LOXL3: variants seen among roughly 807,000 people sequenced by gnomAD.
LOXL3 encodes lysyl oxidase homolog 3.
In LOXL3, 60 loss-of-function variants were observed where a neutral mutation model predicts 91.8. The ratio of observed to expected loss-of-function variants is 0.65; its 90% CI spans 0.53 to 0.81. The LOEUF (loss-of-function observed/expected upper bound fraction) is 0.81. LOXL3 is among the 30% of genes least tolerant of loss of function. The pLI, the probability that LOXL3 is intolerant of heterozygous loss-of-function variation, is 0.00. For missense variants in LOXL3, 874 were observed against 1,000.4 expected, an observed-to-expected ratio of 0.87 and a Z score of 1.70; for synonymous variants, 355 against 387.6, an observed-to-expected ratio of 0.92 and a Z score of 0.99.
Position 74,536,337 on chromosome 2 carries a change from G to A in LOXL3, c.1047C>T (p.Gly349=), listed in dbSNP as rs1437732137. The change falls in exon 6 of 14, where the codon GGC becomes GGT. Residue 349 remains glycine, a synonymous_variant. Coordinates refer to ENST00000264094, the MANE Select transcript of LOXL3 (RefSeq NM_032603.5). The surrounding 1 kb of genome is among the most constrained non-coding windows in gnomAD (Gnocchi z 4.5). ...HAASVVCREL[G]FGSAREALSG... The stretch of plus-strand genomic sequence containing the variant: ...TCAGAGCTTCTCGAGCACTCCCGAA[G>A]CCCAGCTCCCGACACACCACGCTGG... 1 of 1,613,994 alleles carries A rather than the reference G, an allele frequency of 6.2e-7. No homozygotes were observed.
Position 74,549,328 on chromosome 2 carries a change from C to T in LOXL3, c.692+41G>A. 1 of 1,525,030 alleles carries T rather than the reference C, an allele frequency of 6.6e-7. No individual in the cohort carries two copies. The highest frequency in any genetic ancestry group is 8.8e-7 in the Non-Finnish European group (1 of 1,131,484). The allele number at this position is 1,525,030 out of a possible 1,614,324, so 94.5% of individuals were successfully genotyped here. A position where few individuals can be genotyped will look rare whatever the true frequency, so the allele number is the denominator to read the frequency against. On this transcript the variant is annotated intron_variant, in intron 4 of 13. Coordinates refer to ENST00000264094, the MANE Select transcript of LOXL3 (RefSeq NM_032603.5). The surrounding 1 kb of genome is among the most constrained non-coding windows in gnomAD (Gnocchi z 5.3). ...CCAAGGCTATTCATCAGGGAGCACC[C>T]CAATCCCGGCCTGCTCCGCCCGGCG...
chr2:74,544,579 T>A (rs1274128415), intron 4 of LOXL3, among the ~76,000 whole-genome samples: 3 of 152,366 alleles, frequency 2.0e-5, no homozygotes, highest in African/African-American at 7.2e-5. Context: ...TTTCATTACC[T>A]GTAAAAGAGT....
upstream of LOXL3, chr2:74,555,470 A>G: frequency 3.1e-6 from 5 of 1,608,348 alleles, no homozygotes; most frequent in Non-Finnish European, 4.2e-6. This position sits in a 1 kb window ranked among gnomAD's most constrained non-coding sequence, Gnocchi z 6.1. Context: ...AGCTGCGGCG[A>G]TGCGGGGTGG....
intron 4 of LOXL3, among the ~76,000 whole-genome samples, chr2:74,538,988 G>T (rs902631104): frequency 2.6e-5 from 4 of 152,172 alleles, no homozygotes; most frequent in Non-Finnish European, 5.9e-5. Context: ...TCTAAGAGCT[G>T]CTGCTGCTCC....
At position 74,549,263 on chromosome 2, in the gene LOXL3, C is replaced by A. The variant is rs1558628845; in HGVS notation, c.692+106G>T. ...TCCATATTTTCCCGCGCGTCCCGACCCCCGGGTCCTCCCGTGCCCCGGACC... is the reference window on the plus strand; with the variant it reads ...TCCATATTTTCCCGCGCGTCCCGACACCCGGGTCCTCCCGTGCCCCGGACC... On this transcript the variant is annotated intron_variant, in intron 4 of 13. Transcript: ENST00000264094. The surrounding 1 kb of genome is among the most constrained non-coding windows in gnomAD (Gnocchi z 5.3). 6 of 1,296,964 alleles carry A rather than the reference C, an allele frequency of 4.6e-6. No individual in the cohort carries two copies. Among genetic ancestry groups the A allele is most frequent in the South Asian group, 1.7e-5 (1 of 58,812 alleles). The allele number at this position is 1,296,964 out of a possible 1,614,324, so 80.3% of individuals were successfully genotyped here.
rs1460445440 is a variant in LOXL3 at position 74,532,958 on chromosome 2, A to G, written c.*648T>C. On this transcript the variant is annotated 3_prime_UTR_variant, in exon 14 of 14. Coordinates refer to ENST00000264094, the MANE Select transcript of LOXL3 (RefSeq NM_032603.5). Reference sequence around the variant, plus strand: ...GGCGGGGACGAGAAACACTGACCTTATATGTGACCCCTGAGGTCACAGAAT... The same window carrying G: ...GGCGGGGACGAGAAACACTGACCTTGTATGTGACCCCTGAGGTCACAGAAT... The G allele has an allele frequency of 1.2e-6, 2 of 1,613,970 alleles. No individual in the cohort carries two copies. The highest frequency in any genetic ancestry group is 1.7e-6 in the Non-Finnish European group (2 of 1,179,988).
At chr2:74,553,354 C>T (rs987342080) in intron 1 of LOXL3, among the ~76,000 whole-genome samples, 1 of 152,222 alleles carries the variant, frequency 6.6e-6, no homozygotes, top group African/African-American at 2.4e-5. Flanking sequence ...CTCCCCAACA[C>T]GCAGGCTCTC....
In LOXL3 at chr2:74,536,572, G is replaced by A. The variant is rs535677382; in HGVS notation, c.913-101C>T. On this transcript the variant is annotated intron_variant, in intron 5 of 13. Coordinates refer to ENST00000264094, the MANE Select transcript of LOXL3 (RefSeq NM_032603.5). The surrounding 1 kb of genome is among the most constrained non-coding windows in gnomAD (Gnocchi z 4.5). ...GTGAGACTTTGGTGGAAGGGAGTGG[G>A]TGGTATCAGGTCTGTGGCCCACCCC... The A allele has an allele frequency of 2.6e-5, 37 of 1,445,482 alleles. 1 individual carries two copies. In the African/African-American group the frequency reaches 4.9e-4, roughly 19 times the overall value. The allele number at this position is 1,445,482 out of a possible 1,614,324, so 89.5% of individuals were successfully genotyped here. A position where few individuals can be genotyped will look rare whatever the true frequency, so the allele number is the denominator to read the frequency against.
upstream of LOXL3, chr2:74,555,062 C>T: frequency 6.7e-7 from 1 of 1,486,400 alleles, no homozygotes; most frequent in Non-Finnish European, 9.0e-7. The surrounding 1 kb of genome is among the most constrained non-coding windows in gnomAD (Gnocchi z 6.1). Flanking sequence ...CCCCAGATCC[C>T]AAATCGACTT....
At position 74,535,400 on chromosome 2, in the gene LOXL3, G is replaced by A. The variant is rs555821491; in HGVS notation, c.1471C>T (p.Arg491Cys). ...AGGGACAGCTCAGTCCCTGTGCAGC[G>A]CACTCCACTCATCACCACCTCTGTT... ...NITEVVMSGVRCTGTELSLDQ... is the reference protein window; with the variant it reads ...NITEVVMSGVCCTGTELSLDQ... Residue 491 changes from arginine (R) to cysteine (C), a missense_variant, in exon 9 of 14, where the codon CGC (arginine) becomes TGC (cysteine). Coordinates refer to ENST00000264094, the MANE Select transcript of LOXL3 (RefSeq NM_032603.5). This position sits in a 1 kb window ranked among gnomAD's most constrained non-coding sequence, Gnocchi z 4.2. 8.7e-6 allele frequency: 14 copies of A among 1,614,024 alleles called. No homozygotes were observed. The highest frequency in any genetic ancestry group is 1.6e-4 in the Middle Eastern group (1 of 6,062).
rs200911515 is a variant in LOXL3 at position 74,534,493 on chromosome 2, G to A, written c.1823+38C>T. 6.0e-5 allele frequency: 97 copies of A among 1,613,466 alleles called. 1 individual carries two copies. The highest frequency in any genetic ancestry group is 2.7e-4 in the Admixed American group (16 of 59,996). On this transcript the variant is annotated intron_variant, in intron 10 of 13. Coordinates refer to ENST00000264094, the MANE Select transcript of LOXL3 (RefSeq NM_032603.5). Reference sequence around the variant, plus strand: ...CCCCAGAAGGTTTGCCCCATCCCCCGTGGTCTTGCCCTTCTACTTGACTCC... The same window carrying A: ...CCCCAGAAGGTTTGCCCCATCCCCCATGGTCTTGCCCTTCTACTTGACTCC...
chr2:74,555,011 C>T (rs13008519), upstream of LOXL3: 7 of 1,366,144 alleles, frequency 5.1e-6, no homozygotes, highest in African/African-American at 7.3e-5. This position sits in a 1 kb window ranked among gnomAD's most constrained non-coding sequence, Gnocchi z 6.1. Context: ...GACGGAGTGG[C>T]ATCGTCCTTG....
In LOXL3 at chr2:74,548,286, A is replaced by C. The variant is rs1261661481; in HGVS notation, c.692+1083T>G. Among the ~76,000 whole-genome samples, 3 of 152,238 alleles carry C rather than the reference A, an allele frequency of 2.0e-5. No individual in the cohort carries two copies. The East Asian group carries it at 5.8e-4, about 29-fold the overall frequency. On this transcript the variant is annotated intron_variant, in intron 4 of 13. Coordinates refer to ENST00000264094, the MANE Select transcript of LOXL3 (RefSeq NM_032603.5). ...TGGCTTCTAAATTATGTATCAAAAC[A>C]AATGTAATAGGTAAACGTCACCTAT...
intron 4 of LOXL3, among the ~76,000 whole-genome samples, chr2:74,547,930 A>C (rs1676703513): frequency 6.6e-6 from 1 of 152,252 alleles, no homozygotes; most frequent in Admixed American, 6.5e-5. Context: ...AACTAACAGA[A>C]TCTCCCATGA....
intron 4 of LOXL3, among the ~76,000 whole-genome samples, chr2:74,542,106 A>T (rs1261934938): frequency 1.3e-5 from 2 of 152,210 alleles, no homozygotes; most frequent in Non-Finnish European, 2.9e-5. Context: ...CAGCCTGGGC[A>T]ACACAGTGAG....
chr2:74,555,482 G>A, upstream of LOXL3: 1 of 1,608,768 alleles, frequency 6.2e-7, no homozygotes, highest in Non-Finnish European at 8.5e-7. This position sits in a 1 kb window ranked among gnomAD's most constrained non-coding sequence, Gnocchi z 6.1. Context: ...GCGGGGTGGG[G>A]GCAGTTACAG....
At position 74,552,612 on chromosome 2, in the gene LOXL3, T is replaced by C. The variant is rs1251364945; in HGVS notation, c.23A>G (p.Gln8Arg). 4 of 1,574,724 alleles carry C rather than the reference T, an allele frequency of 2.5e-6. No homozygotes were observed. The highest frequency in any genetic ancestry group is 3.5e-6 in the Non-Finnish European group (4 of 1,154,336). The change falls in exon 2 of 14, where the codon CAG (glutamine) becomes CGG (arginine). Residue 8 changes from glutamine to arginine, a missense_variant. By Grantham distance (43) the Gln-to-Arg change is conservative (BLOSUM62 1). Coordinates refer to ENST00000264094, the MANE Select transcript of LOXL3 (RefSeq NM_032603.5). ...CAGCAGCAGCCCCCAGGGGCTCCAC[T>C]GCCAGACACTGACAGGTCGCATGGC... MRPVSVW[Q>R]WSPWGLLLCL...
At position 74,553,117 on chromosome 2, in the gene LOXL3, G is replaced by A. The variant is rs150434045; in HGVS notation, c.-12-471C>T. ...CCAAGCACACCGCGGGTGAGAAGGA[G>A]AGGGATTGACAAGAGCCAAGGGGCG... On this transcript the variant is annotated intron_variant, in intron 1 of 13. Transcript: ENST00000264094. 513 of 157,012 alleles carry A rather than the reference G, an allele frequency of 3.3e-3. 2 individuals are homozygous for A. The highest frequency in any genetic ancestry group is 0.012 in the African/African-American group (496 of 41,678). The allele number at this position is 157,012 out of a possible 1,614,324, so 9.7% of individuals were successfully genotyped here.
rs1019251349 is a variant in LOXL3, at chr2:74,549,261, A to T, written c.692+108T>A. The T allele has an allele frequency of 7.8e-7, 1 of 1,284,796 alleles. No individual in the cohort carries two copies. The highest frequency in any genetic ancestry group is 1.5e-5 in the African/African-American group (1 of 65,698). 79.6% of individuals were successfully genotyped at this position (1,284,796 alleles called of 1,614,324 possible). Reference sequence around the variant, plus strand: ...CCTCCATATTTTCCCGCGCGTCCCGACCCCCGGGTCCTCCCGTGCCCCGGA... The same window carrying T: ...CCTCCATATTTTCCCGCGCGTCCCGTCCCCCGGGTCCTCCCGTGCCCCGGA... On this transcript the variant is annotated intron_variant, in intron 4 of 13. Coordinates refer to ENST00000264094, the MANE Select transcript of LOXL3 (RefSeq NM_032603.5). The surrounding 1 kb of genome is among the most constrained non-coding windows in gnomAD (Gnocchi z 5.3).
Sources: allele counts gnomAD v4.1 joint callset (sites outside exome capture counted in the v4.1 genomes callset), GRCh38; gene constraint gnomAD v4.1.1; non-coding constraint Gnocchi (gnomAD v3.1); transcripts MANE v1.5; gene names NCBI Gene and HGNC (gene_info 2026-07-23, HGNC 2026-07-21).